Variants in FZD3 observed in about 807,000 individuals in gnomAD.
The protein encoded by FZD3 is frizzled-3.
FZD3 carries 30 observed loss-of-function variants against 60.7 expected under a neutral mutation model. The observed-to-expected ratio is 0.49, with a 90% CI of 0.37 to 0.67. The LOEUF (loss-of-function observed/expected upper bound fraction) is 0.67. FZD3 is among the 30% of genes least tolerant of loss of function. The probability of loss-of-function intolerance (pLI) is 0.00; values close to 1 mark genes in which losing one functional copy is unlikely to be tolerated. For missense variants in FZD3, 605 were observed against 838.7 expected (o/e 0.72, Z 3.44); for synonymous variants, 246 against 275.2 (o/e 0.89, Z 1.05).
chr8:28,514,643 ACTT>A (rs1804377409), intron 3 of FZD3, among the ~76,000 whole-genome samples: 1 of 152,156 alleles, frequency 6.6e-6, no homozygotes, highest in African/African-American at 2.4e-5. Flanking sequence ...TGCCGTATCT[ACTT>A]CTTTAGGTCT....
intron 5 of FZD3, among the ~76,000 whole-genome samples, chr8:28,537,535 T>A (rs1247391018): frequency 1.7e-5 from 1 of 60,506 alleles, no homozygotes; most frequent in Non-Finnish European, 4.0e-5. Flanking sequence ...ATGGTACAAC[T>A]ACTCAGCTTT....
chr8:28,540,990 A>C (rs1029960144), intron 5 of FZD3, among the ~76,000 whole-genome samples: 1 of 152,176 alleles, frequency 6.6e-6, no homozygotes, highest in African/African-American at 2.4e-5. Context: ...TTAAAAATAA[A>C]AACTAAACAC....
chr8:28,539,946 C>A (rs1334203922), intron 5 of FZD3, among the ~76,000 whole-genome samples: 9 of 151,778 alleles, frequency 5.9e-5, no homozygotes, highest in Non-Finnish European at 1.2e-4. Context: ...ATAATTTAAG[C>A]CCTGGGGTCT....
chr8:28,542,298 T>C (rs1805188133), intron 5 of FZD3, among the ~76,000 whole-genome samples: 1 of 152,140 alleles, frequency 6.6e-6, no homozygotes, highest in African/African-American at 2.4e-5. Flanking sequence ...AAATCCCTAC[T>C]TAAATGTCAT....
chr8:28,526,420 T>C (rs925419473), intron 4 of FZD3, among the ~76,000 whole-genome samples: 2 of 152,222 alleles, frequency 1.3e-5, no homozygotes, highest in African/African-American at 4.8e-5. Flanking sequence ...CTTCCCCTTA[T>C]GTAACTAATC....
At chr8:28,546,956 C>T (rs923185516) in intron 5 of FZD3, among the ~76,000 whole-genome samples, 5 of 148,752 alleles carry the variant, frequency 3.4e-5, no homozygotes, top group South Asian at 2.1e-4. Context: ...GGCGACAGAG[C>T]GAGACTCCGT....
rs1804732236 is a variant in FZD3 at position 28,527,091 on chromosome 8, A to G, written c.387-56A>G. ...CAGATTTGGAAATCCAAACTGTTAGATCGTGATAGATTTCCCCATAAGTAA... is the reference window on the plus strand; with the variant it reads ...CAGATTTGGAAATCCAAACTGTTAGGTCGTGATAGATTTCCCCATAAGTAA... On this transcript the variant is annotated intron_variant, in intron 4 of 7. Coordinates refer to ENST00000240093, the MANE Select transcript of FZD3 (RefSeq NM_017412.4). This position sits in a 1 kb window ranked among gnomAD's most constrained non-coding sequence, Gnocchi z 5.0. The G allele has an allele frequency of 2.8e-6, 4 of 1,444,960 alleles. No homozygotes were observed. Among genetic ancestry groups the G allele is most frequent in the African/African-American group, 2.8e-5 (2 of 70,466 alleles). 89.5% of individuals were successfully genotyped at this position (1,444,960 alleles called of 1,614,324 possible). A position where few individuals can be genotyped will look rare whatever the true frequency, so the allele number is the denominator to read the frequency against.
intron 3 of FZD3, among the ~76,000 whole-genome samples, chr8:28,513,122 A>G (rs530086900): frequency 6.6e-6 from 1 of 152,298 alleles, no homozygotes; most frequent in African/African-American, 2.4e-5. Flanking sequence ...GTAGTAGATA[A>G]TTGCATTTAG....
At chr8:28,541,856 T>A (rs1805175609) in intron 5 of FZD3, among the ~76,000 whole-genome samples, 1 of 152,162 alleles carries the variant, frequency 6.6e-6, no homozygotes, top group Non-Finnish European at 1.5e-5. Flanking sequence ...GACCCTCTCT[T>A]TCTCACATAT....
intron 5 of FZD3, among the ~76,000 whole-genome samples, chr8:28,546,202 T>G (rs1017470703): frequency 1.3e-5 from 2 of 152,194 alleles, no homozygotes; most frequent in Non-Finnish European, 1.5e-5. Context: ...ACTGTATAAT[T>G]TTGAAACATA....
intron 3 of FZD3, among the ~76,000 whole-genome samples, chr8:28,515,941 C>G (rs919505423): frequency 6.6e-6 from 1 of 152,088 alleles, no homozygotes; most frequent in Admixed American, 6.6e-5. Flanking sequence ...TTCTTTTCAA[C>G]TTGTGCTTTT....
chr8:28,517,156 T>G (rs1804450954), intron 3 of FZD3, among the ~76,000 whole-genome samples: 1 of 152,218 alleles, frequency 6.6e-6, no homozygotes, highest in Non-Finnish European at 1.5e-5. Context: ...GGCTAATTTT[T>G]CTTTTTTTGT....
chr8:28,520,902 T>G (rs1804561425), intron 4 of FZD3, 68 bp downstream of exon 4: 10 of 1,120,362 alleles, frequency 8.9e-6, no homozygotes, highest in Non-Finnish European at 1.2e-5. Context: ...ACTTGTCTTC[T>G]TTTCCATCTG....
chr8:28,564,861 T>G lies in FZD3; in HGVS notation c.*1850T>G, dbSNP rs1308850656. ...CAGTTCCCTTGTTTGTAAATGAAGA[T>G]AGAAGATAAATACGTACTCTACCTA... On this transcript the variant is annotated 3_prime_UTR_variant, in exon 8 of 8. Transcript: ENST00000240093. 6.9e-6 allele frequency: 1 copy of G among 144,142 alleles called. No individual in the cohort carries two copies. Among genetic ancestry groups the G allele is most frequent in the Non-Finnish European group, 1.6e-5 (1 of 62,754 alleles). 8.9% of individuals were successfully genotyped at this position (144,142 alleles called of 1,614,324 possible). A position where few individuals can be genotyped will look rare whatever the true frequency, so the allele number is the denominator to read the frequency against.
rs1464285127 is a variant in FZD3, at chr8:28,569,245, A to C, written c.*6234A>C. 1.1e-4 allele frequency: 16 copies of C among 151,574 alleles called. No individual in the cohort carries two copies. Among genetic ancestry groups the C allele is most frequent in the Non-Finnish European group, 1.5e-5 (1 of 67,890 alleles). 9.4% of individuals were successfully genotyped at this position (151,574 alleles called of 1,614,324 possible). On this transcript the variant is annotated 3_prime_UTR_variant, in exon 8 of 8. Coordinates refer to ENST00000240093, the MANE Select transcript of FZD3 (RefSeq NM_017412.4). ...TCTATCCTGGAGTCTAAAATTAAAC[A>C]AAAAAATCTATTTTCTAAATTGGCA...
chr8:28,559,078 G>A (rs560203292), intron 7 of FZD3, among the ~76,000 whole-genome samples: 6 of 152,290 alleles, frequency 3.9e-5, no homozygotes, highest in Admixed American at 6.5e-5. Context: ...AAGGAGATAC[G>A]TAGGGTGAAT....
intron 4 of FZD3, among the ~76,000 whole-genome samples, 178 bp from the exon 5 acceptor site, chr8:28,526,969 G>A (rs548947282): frequency 2.1e-4 from 32 of 152,138 alleles, no homozygotes; most frequent in East Asian, 1.3e-3. Context: ...CTCAACTGTC[G>A]AAAATCTAGT....
chr8:28,564,385 G>C lies in FZD3; in HGVS notation c.*1374G>C, dbSNP rs1805668203. 6.7e-6 allele frequency: 1 copy of C among 149,098 alleles called. No homozygotes were observed. The highest frequency in any genetic ancestry group is 2.5e-5 in the African/African-American group (1 of 40,540). 9.2% of individuals were successfully genotyped at this position (149,098 alleles called of 1,614,324 possible). A position where few individuals can be genotyped will look rare whatever the true frequency, so the allele number is the denominator to read the frequency against. ...CCTGACTGCAGATAAGAATCACTTGGGTTACTTCAGATGCCTAACACCTTC... is the reference window on the plus strand; with the variant it reads ...CCTGACTGCAGATAAGAATCACTTGCGTTACTTCAGATGCCTAACACCTTC... On this transcript the variant is annotated 3_prime_UTR_variant, in exon 8 of 8. Coordinates refer to ENST00000240093, the MANE Select transcript of FZD3 (RefSeq NM_017412.4).
At position 28,563,069 on chromosome 8, in the gene FZD3, C is replaced by A; in HGVS notation, c.*58C>A. The stretch of plus-strand genomic sequence containing the variant: ...TTTAAAAAGCAGATTTTATTCTTTG[C>A]CTTTTGCATGACTGATAGCTGTAAC... On this transcript the variant is annotated 3_prime_UTR_variant, in exon 8 of 8. Transcript: ENST00000240093. 8.6e-7 allele frequency: 1 copy of A among 1,159,582 alleles called. No homozygotes were observed. Among genetic ancestry groups the A allele is most frequent in the Non-Finnish European group, 1.3e-6 (1 of 768,220 alleles). 71.8% of individuals were successfully genotyped at this position (1,159,582 alleles called of 1,614,324 possible). A position where few individuals can be genotyped will look rare whatever the true frequency, so the allele number is the denominator to read the frequency against.
Sources: gnomAD v4.1 joint callset for allele counts (sites outside exome capture counted in the v4.1 genomes callset) on GRCh38, gnomAD v4.1.1 for gene constraint, Gnocchi (gnomAD v3.1) non-coding constraint, MANE v1.5 for transcripts, NCBI Gene and HGNC (gene_info 2026-07-23, HGNC 2026-07-21) for gene names.